Variants in LTN1 observed in about 807,000 individuals in gnomAD.
LTN1 encodes E3 ubiquitin-protein ligase listerin.
A neutral mutation model predicts 201.2 loss-of-function variants in LTN1; 88 were observed. The observed-to-expected ratio is 0.44, with a 90% CI of 0.37 to 0.52. The LOEUF is 0.52. LTN1 is among the 20% of genes least tolerant of loss of function. The pLI is 0.00. For missense variants in LTN1, 1,752 were observed against 2,038.7 expected, an observed-to-expected ratio of 0.86 and a Z score of 2.71; for synonymous variants, 645 against 713.5, an observed-to-expected ratio of 0.90 and a Z score of 1.53.
intron 11 of LTN1, chr21:28,964,594 C>A (rs1333818559): frequency 6.5e-7 from 1 of 1,538,714 alleles, no homozygotes; most frequent in Admixed American, 2.0e-5. Flanking sequence ...CTGAGATATG[C>A]CAGTATGAAC....
intron 25 of LTN1, among the ~76,000 whole-genome samples, chr21:28,939,153 A>G (rs2084278235): frequency 6.6e-6 from 1 of 152,240 alleles, no homozygotes; most frequent in African/African-American, 2.4e-5. Flanking sequence ...CAACTATTTC[A>G]ATAGCATTTA....
At chr21:28,943,387 A>C (rs1049533690) in intron 23 of LTN1, 51 bp from the exon 24 acceptor site, 1 of 1,139,704 alleles carries the variant, frequency 8.8e-7, no homozygotes, top group Non-Finnish European at 1.3e-6. Flanking sequence ...CTGTTTATTA[A>C]GTCGTGCTCA....
chr21:28,982,534 T>A (rs2084667350), intron 4 of LTN1, among the ~76,000 whole-genome samples, 166 bp from the exon 5 acceptor site: 1 of 152,234 alleles, frequency 6.6e-6, no homozygotes, highest in Non-Finnish European at 1.5e-5. Context: ...TTTACCAATT[T>A]TCCTTTTCCT....
At chr21:28,990,865 G>C (rs2084739414) in intron 1 of LTN1, among the ~76,000 whole-genome samples, 1 of 152,156 alleles carries the variant, frequency 6.6e-6, no homozygotes, top group South Asian at 2.1e-4. Context: ...CTAGATCAAA[G>C]AAACCCAAAT....
chr21:28,958,282 C>G (rs1300710470), intron 14 of LTN1, 104 bp downstream of exon 14: 1 of 1,108,552 alleles, frequency 9.0e-7, no homozygotes, highest in African/African-American at 1.6e-5. Flanking sequence ...GGGACGAGCC[C>G]TACAAGTCAT....
chr21:28,941,243 A>C lies in LTN1; in HGVS notation c.4459T>G (p.Phe1487Val). ...ACCTGTGATGATGCAGCTTTGAAGAAAGTTAGTATTAATTTCCAAGTGAGA... is the reference window on the plus strand; with the variant it reads ...ACCTGTGATGATGCAGCTTTGAAGACAGTTAGTATTAATTTCCAAGTGAGA... ...YLLTWKLILT[F>V]FKAASSQLRA... The change falls in exon 25 of 30, where the codon TTC becomes GTC. Residue 1487 changes from phenylalanine to valine, a missense_variant. Transcript: ENST00000361371. 3.7e-6 allele frequency: 6 copies of C among 1,612,162 alleles called. No homozygotes were observed. Among genetic ancestry groups the C allele is most frequent in the Middle Eastern group, 1.7e-4 (1 of 6,052 alleles).
chr21:28,947,159 A>G (rs1025468672), intron 19 of LTN1, among the ~76,000 whole-genome samples: 3 of 152,206 alleles, frequency 2.0e-5, no homozygotes, highest in African/African-American at 7.2e-5. Context: ...AACAGACGCT[A>G]TTTTTGCCTT....
chr21:28,988,904 G>A (rs1331035727), intron 1 of LTN1, among the ~76,000 whole-genome samples: 2 of 151,750 alleles, frequency 1.3e-5, no homozygotes, highest in Non-Finnish European at 2.9e-5. Flanking sequence ...GGCAGAGATT[G>A]CAGTGAGTCG....
chr21:28,991,456 A>G (rs1042275197), intron 1 of LTN1, among the ~76,000 whole-genome samples: 2 of 152,232 alleles, frequency 1.3e-5, no homozygotes, highest in African/African-American at 4.8e-5. Flanking sequence ...TTTAGAAGAT[A>G]CATGCTGATG....
At chr21:28,974,450 C>T (rs1036969043) in intron 6 of LTN1, among the ~76,000 whole-genome samples, 1 of 152,154 alleles carries the variant, frequency 6.6e-6, no homozygotes, top group African/African-American at 2.4e-5. Flanking sequence ...TACCTGAGGA[C>T]TCTGGAGACT....
rs781242200 is a variant in LTN1, at chr21:28,956,928, T to C, written c.2913A>G (p.Leu971=). Residue 971 remains leucine, a synonymous_variant, in exon 16 of 30, where the codon TTA becomes TTG. Transcript: ENST00000361371. ...CATAATTCAAACTCAATCTTCCCTCTAAAAGAGGTCTATGTAACCACTGTG... is the reference window on the plus strand; with the variant it reads ...CATAATTCAAACTCAATCTTCCCTCCAAAAGAGGTCTATGTAACCACTGTG... ...LPMQWLHRPL[L]EGRLSLNYEC... 2.5e-6 allele frequency: 4 copies of C among 1,603,882 alleles called. No individual in the cohort carries two copies. Among genetic ancestry groups the C allele is most frequent in the African/African-American group, 2.7e-5 (2 of 74,564 alleles).
At chr21:28,950,578 T>G (rs975769647) in intron 18 of LTN1, among the ~76,000 whole-genome samples, 3 of 152,066 alleles carry the variant, frequency 2.0e-5, no homozygotes, top group African/African-American at 7.2e-5. Context: ...TGCAGTGGCG[T>G]GATCTCTGCT....
chr21:28,977,025 A>G (rs1050229054), intron 6 of LTN1, among the ~76,000 whole-genome samples: 3 of 152,146 alleles, frequency 2.0e-5, no homozygotes, highest in Non-Finnish European at 4.4e-5. Context: ...AAAGGTCTGG[A>G]GTTACAGGCA....
chr21:28,982,565 GC>G (rs1482648885), intron 4 of LTN1, among the ~76,000 whole-genome samples, 197 bp from the exon 5 acceptor site: 1 of 152,174 alleles, frequency 6.6e-6, no homozygotes, highest in African/African-American at 2.4e-5. Flanking sequence ...AAGGTTAGCT[GC>G]TTTAGATACT....
intron 27 of LTN1, among the ~76,000 whole-genome samples, chr21:28,934,762 C>T (rs908430266): frequency 6.6e-6 from 1 of 152,022 alleles, no homozygotes; most frequent in Non-Finnish European, 1.5e-5. Context: ...CGGCCTAAAC[C>T]TCTTTTCTTT....
At chr21:28,974,167 G>T (rs978188605) in intron 6 of LTN1, among the ~76,000 whole-genome samples, 2 of 151,960 alleles carry the variant, frequency 1.3e-5, no homozygotes, top group Admixed American at 6.6e-5. Context: ...AACCATAAAA[G>T]AAAAATGATC....
rs1269494492 is a variant in LTN1 at position 28,971,453 on chromosome 21, A to G, written c.811-9T>C. Reference sequence around the variant, plus strand: ...AAATAAGCTGAGCGAATCTAAAAGAATGCAAAGCTGAATTAAATTAAAACC... The same window carrying G: ...AAATAAGCTGAGCGAATCTAAAAGAGTGCAAAGCTGAATTAAATTAAAACC... On this transcript the variant is annotated splice_polypyrimidine_tract_variant and intron_variant, in intron 6 of 29. Transcript: ENST00000361371. The G allele has an allele frequency of 6.2e-7, 1 of 1,610,906 alleles. No homozygotes were observed. Among genetic ancestry groups the G allele is most frequent in the Non-Finnish European group, 8.5e-7 (1 of 1,178,442 alleles).
intron 11 of LTN1, chr21:28,964,799 T>C (rs1371000067): frequency 1.3e-6 from 2 of 1,520,612 alleles, no homozygotes; most frequent in East Asian, 5.0e-5. Flanking sequence ...AGTCTACTCT[T>C]ATCAAATTAT....
In LTN1 at chr21:28,952,203, T is replaced by C. The variant is rs985590858; in HGVS notation, c.3301A>G (p.Ile1101Val). The change falls in exon 18 of 30, where the codon ATT (isoleucine) becomes GTT (valine). Residue 1101 changes from isoleucine (I) to valine (V), a missense_variant. Ile to Val is a conservative substitution (Grantham distance 29). Around this residue, in one of 3 missense-constraint regions of LTN1, gnomAD observed 1,211 missense variants for 1,312.8 expected, o/e 0.92. Coordinates refer to ENST00000361371, the MANE Select transcript of LTN1 (RefSeq NM_015565.3). ...IIAKLILSRS[I>V]SSDEVKPHYK... Reference sequence around the variant, plus strand: ...TGTGGTTTTACTTCATCAGATGAAATGCTTCGGGAAAGGATCAACTTAGCA... The same window carrying C: ...TGTGGTTTTACTTCATCAGATGAAACGCTTCGGGAAAGGATCAACTTAGCA... 5 of 1,611,038 alleles carry C rather than the reference T, an allele frequency of 3.1e-6. No homozygotes were observed. The highest frequency in any genetic ancestry group is 4.2e-6 in the Non-Finnish European group (5 of 1,178,238).
Sources: gnomAD v4.1 joint callset for allele counts (sites outside exome capture counted in the v4.1 genomes callset) on GRCh38, gnomAD v4.1.1 for gene constraint, gnomAD v4.1.1 regional missense constraint, MANE v1.5 for transcripts, NCBI Gene and HGNC (gene_info 2026-07-23, HGNC 2026-07-21) for gene names.